Variants in ST6GALNAC1 observed in about 807,000 individuals in gnomAD.
The protein encoded by ST6GALNAC1 is alpha-N-acetylgalactosaminide alpha-2,6-sialyltransferase 1.
Under a neutral mutation model 56.8 loss-of-function variants are expected in ST6GALNAC1, and 45 were observed. That is an observed-to-expected ratio of 0.79 (90% CI 0.62 to 1.02). The LOEUF (loss-of-function observed/expected upper bound fraction) is 1.02, where lower values mean the gene tolerates loss of function less well. ST6GALNAC1 is among the 50% of genes least tolerant of loss of function. ST6GALNAC1 has a pLI of 0.00. For synonymous variants in ST6GALNAC1, 295 were observed against 297.8 expected (o/e 0.99, Z 0.10); for missense variants, 743 against 754.8 (o/e 0.98, Z 0.18).
Position 76,629,634 on chromosome 17 carries a change from G to A in ST6GALNAC1, c.209C>T (p.Ala70Val). 6.2e-7 allele frequency: 1 copy of A among 1,613,756 alleles called. No homozygotes were observed. Among genetic ancestry groups the A allele is most frequent in the Non-Finnish European group, 8.5e-7 (1 of 1,179,808 alleles). Residue 70 changes from alanine (A) to valine (V), a missense_variant, in exon 2 of 9, where the codon GCA becomes GTA. Coordinates refer to ENST00000156626, the MANE Select transcript of ST6GALNAC1 (RefSeq NM_018414.5). ...AKPKSQAPTR[A>V]RRTTIYAEPV... ...CTCTGCATAGATGGTTGTCCTCCTT[G>A]CCCTTGTGGGTGCCTGGGACTTAGG... is the stretch of plus-strand genomic sequence containing the variant.
downstream of ST6GALNAC1, among the ~76,000 whole-genome samples, chr17:76,623,270 G>A (rs1303445931): frequency 6.6e-6 from 1 of 152,162 alleles, no homozygotes; most frequent in Non-Finnish European, 1.5e-5. Context: ...AGACTTTATA[G>A]TATGTCTGAA....
At chr17:76,618,505 C>A in the ST6GALNAC1 span, among the ~76,000 whole-genome samples, 5 of 152,060 alleles carry the variant, frequency 3.3e-5, no homozygotes, top group African/African-American at 1.2e-4. Context: ...TGGCTGGGCA[C>A]AATGGCTCAT....
At chr17:76,620,737 A>T (rs943655093), downstream of ST6GALNAC1, among the ~76,000 whole-genome samples, 1 of 122,130 alleles carries the variant, frequency 8.2e-6, no homozygotes, top group Non-Finnish European at 2.0e-5. Context: ...CACCATGCCC[A>T]GCTATTTTTT....
chr17:76,642,912 G>A (rs2076066722), intron 1 of ST6GALNAC1, among the ~76,000 whole-genome samples: 2 of 123,478 alleles, frequency 1.6e-5, no homozygotes, highest in African/African-American at 3.2e-5. Flanking sequence ...AGCAGAGTGA[G>A]ACTCCGTCTC....
Position 76,625,505 on chromosome 17 carries a change from G to T in ST6GALNAC1, c.1628C>A (p.Thr543Asn), listed in dbSNP as rs746582013. ...ATCAGAAAAGCGCTCATGGCCCTCAGTGATGAAGCCATAAGCACTCACCTA... is the reference window on the plus strand; with the variant it reads ...ATCAGAAAAGCGCTCATGGCCCTCATTGATGAAGCCATAAGCACTCACCTA... ...CDQVSAYGFI[T>N]EGHERFSDHY... is the part of the protein sequence containing the mutation. Residue 543 changes from threonine (T) to asparagine (N), a missense_variant, in exon 9 of 9, where the codon ACT becomes AAT. Thr to Asn is a moderately conservative substitution (Grantham distance 65). Transcript: ENST00000156626. 9 of 1,614,024 alleles carry T rather than the reference G, an allele frequency of 5.6e-6. No individual in the cohort carries two copies. The East Asian group carries it at 2.0e-4, about 36-fold the overall frequency.
intron 1 of ST6GALNAC1, among the ~76,000 whole-genome samples, chr17:76,630,076 G>A (rs1179979575): frequency 1.3e-5 from 2 of 152,064 alleles, no homozygotes; most frequent in East Asian, 1.9e-4. Context: ...GTGAGCCACC[G>A]TGCCTGGCCA....
Position 76,626,287 on chromosome 17 carries a change from A to G in ST6GALNAC1, c.1415+2T>C. 1 of 1,614,018 alleles carries G rather than the reference A, an allele frequency of 6.2e-7. No individual in the cohort carries two copies. Among genetic ancestry groups the G allele is most frequent in the Non-Finnish European group, 8.5e-7 (1 of 1,179,862 alleles). On this transcript the variant is annotated splice_donor_variant, in intron 6 of 8. Coordinates refer to ENST00000156626, the MANE Select transcript of ST6GALNAC1 (RefSeq NM_018414.5). LOFTEE classifies it high-confidence loss of function. Reference sequence around the variant, plus strand: ...AGGGGATGGCAGGAGGACAGTGGGTACCTGAACCAGAAAAGGTTTTTTGAC... The same window carrying G: ...AGGGGATGGCAGGAGGACAGTGGGTGCCTGAACCAGAAAAGGTTTTTTGAC...
intron 1 of ST6GALNAC1, among the ~76,000 whole-genome samples, chr17:76,635,256 A>G (rs963923442): frequency 3.9e-5 from 6 of 152,178 alleles, no homozygotes; most frequent in African/African-American, 1.4e-4. Context: ...GTGGCTGGAT[A>G]CAGCTTCCAG....
rs1319220213 is a variant in ST6GALNAC1 at position 76,629,052 on chromosome 17, A to G, written c.791T>C (p.Phe264Ser). 1.3e-6 allele frequency: 2 copies of G among 1,548,894 alleles called. No individual in the cohort carries two copies. Among genetic ancestry groups the G allele is most frequent in the East Asian group, 2.3e-5 (1 of 44,258 alleles). Residue 264 changes from phenylalanine (F) to serine (S), a missense_variant, in exon 2 of 9, where the codon TTT becomes TCT. Coordinates refer to ENST00000156626, the MANE Select transcript of ST6GALNAC1 (RefSeq NM_018414.5). ...TATTTCGAAGCTGTATTTTTCCTCA[A>G]AATCCCACCGAGGCTCAGATTTGAA... is the stretch of plus-strand genomic sequence containing the variant. ...ANFKSEPRWD[F>S]EEKYSFEIGG...
chr17:76,620,886 T>C (rs138785098), downstream of ST6GALNAC1, among the ~76,000 whole-genome samples: 711 of 152,150 alleles, frequency 4.7e-3, 9 homozygotes, highest in African/African-American at 0.017. Flanking sequence ...TGAGCCACCA[T>C]GCCTGGTCGC....
intron 1 of ST6GALNAC1, among the ~76,000 whole-genome samples, chr17:76,638,324 C>T (rs1372693528): frequency 6.6e-6 from 1 of 151,966 alleles, no homozygotes; most frequent in African/African-American, 2.4e-5. Flanking sequence ...CACGTGGGTG[C>T]GTCTTAAGAT....
the ST6GALNAC1 span, among the ~76,000 whole-genome samples, chr17:76,618,575 C>G: frequency 6.6e-6 from 1 of 151,730 alleles, no homozygotes. Flanking sequence ...CCCAGGAGTT[C>G]AAGACCAGCC....
intron 2 of ST6GALNAC1, among the ~76,000 whole-genome samples, chr17:76,628,742 G>A (rs892500676): frequency 3.3e-5 from 5 of 152,144 alleles, no homozygotes; most frequent in Non-Finnish European, 7.3e-5. Flanking sequence ...GGAGCTCCAG[G>A]GCAGGCCCCA....
chr17:76,627,332 A>G lies in ST6GALNAC1; in HGVS notation c.1000+83T>C. 1.3e-6 allele frequency: 2 copies of G among 1,579,558 alleles called. No homozygotes were observed. Among genetic ancestry groups the G allele is most frequent in the Middle Eastern group, 3.6e-4 (2 of 5,548 alleles). Reference sequence around the variant, plus strand: ...CCAGGTCTGGCAAACCCCAGGGAAGAGGCAGACCAGAAAGCCAGCTGCCCT... The same window carrying G: ...CCAGGTCTGGCAAACCCCAGGGAAGGGGCAGACCAGAAAGCCAGCTGCCCT... On this transcript the variant is annotated intron_variant, in intron 3 of 8. Transcript: ENST00000156626. The surrounding 1 kb of genome is among the most constrained non-coding windows in gnomAD (Gnocchi z 4.4).
intron 1 of ST6GALNAC1, among the ~76,000 whole-genome samples, chr17:76,637,025 A>G (rs1220415522): frequency 2.0e-5 from 3 of 152,054 alleles, no homozygotes; most frequent in Non-Finnish European, 2.9e-5. Context: ...TGAATGGATT[A>G]AGGGCGGTGC....
At position 76,627,721 on chromosome 17, in the gene ST6GALNAC1, G is replaced by T; in HGVS notation, c.832-138C>A. Reference sequence around the variant, plus strand: ...CTACCTCTTCCATTCTGTTCTCAGGGTCTGCTTACCCTCCCCTTCCCATTG... The same window carrying T: ...CTACCTCTTCCATTCTGTTCTCAGGTTCTGCTTACCCTCCCCTTCCCATTG... On this transcript the variant is annotated intron_variant, in intron 2 of 8. Transcript: ENST00000156626. The surrounding 1 kb of genome is among the most constrained non-coding windows in gnomAD (Gnocchi z 4.4). 1 of 753,150 alleles carries T rather than the reference G, an allele frequency of 1.3e-6. No homozygotes were observed. 46.7% of individuals were successfully genotyped at this position (753,150 alleles called of 1,614,324 possible).
rs185365071 is a variant in ST6GALNAC1 at position 76,633,987 on chromosome 17, C to G, written c.132-4276G>C. Among the ~76,000 whole-genome samples the G allele has an allele frequency of 1.3e-3, 200 of 152,212 alleles. 1 individual carries two copies. The highest frequency in any genetic ancestry group is 3.4e-3 in the Middle Eastern group (1 of 294). Reference sequence around the variant, plus strand: ...TGAAACTGAATTTTGAAAAAATACCCCAAGGAAAGGTCACTCACTAACAAA... The same window carrying G: ...TGAAACTGAATTTTGAAAAAATACCGCAAGGAAAGGTCACTCACTAACAAA... On this transcript the variant is annotated intron_variant, in intron 1 of 8. Transcript: ENST00000156626.
rs1203572586 is a variant in ST6GALNAC1 at position 76,627,051 on chromosome 17, G to T, written c.1172+16C>A. On this transcript the variant is annotated intron_variant, in intron 4 of 8. Coordinates refer to ENST00000156626, the MANE Select transcript of ST6GALNAC1 (RefSeq NM_018414.5). The surrounding 1 kb of genome is among the most constrained non-coding windows in gnomAD (Gnocchi z 4.4). ...GGAGAGGGGCTGGAGAGGGAGCTTGGGTGGGGACAGCTTACCGGAACACGT... is the reference window on the plus strand; with the variant it reads ...GGAGAGGGGCTGGAGAGGGAGCTTGTGTGGGGACAGCTTACCGGAACACGT... The T allele has an allele frequency of 2.0e-6, 3 of 1,536,370 alleles. 1 individual carries two copies. The South Asian group carries it at 3.9e-5, about 20-fold the overall frequency.
At position 76,624,966 on chromosome 17, in the gene ST6GALNAC1, T is replaced by G; in HGVS notation, c.*364A>C. ...CCTTCAAGATTTCACAACTGTAAACTCGATCTGGAATTCAAACCAGATCTA... is the reference window on the plus strand; with the variant it reads ...CCTTCAAGATTTCACAACTGTAAACGCGATCTGGAATTCAAACCAGATCTA... On this transcript the variant is annotated 3_prime_UTR_variant, in exon 9 of 9. Transcript: ENST00000156626. 3.6e-6 allele frequency: 1 copy of G among 276,530 alleles called. No individual in the cohort carries two copies. The allele number at this position is 276,530 out of a possible 1,614,324, so 17.1% of individuals were successfully genotyped here.
Sources: allele counts gnomAD v4.1 joint callset (sites outside exome capture counted in the v4.1 genomes callset), GRCh38; gene constraint gnomAD v4.1.1; non-coding constraint Gnocchi (gnomAD v3.1); transcripts MANE v1.5; gene names NCBI Gene and HGNC (gene_info 2026-07-23, HGNC 2026-07-21).